BRWD1: variants seen among roughly 807,000 people sequenced by gnomAD.
BRWD1 encodes bromodomain and WD repeat domain containing 1, also known as bromodomain and WD repeat-containing protein 1.
BRWD1 carries 82 observed loss-of-function variants against 251.2 expected under a neutral mutation model. That is an observed-to-expected ratio of 0.33 (90% confidence interval 0.27 to 0.39). BRWD1 has a LOEUF of 0.39. Among genes scored for constraint, BRWD1 ranks in the 10% least tolerant of loss-of-function variants. BRWD1 has a pLI of 1.00. For synonymous variants in BRWD1, 918 were observed against 902.8 expected (o/e 1.02, Z -0.30); for missense variants, 2,233 against 2,711.6 (o/e 0.82, Z 3.92).
chr21:39,235,446 AACCC>A (rs2146563220), intron 23 of BRWD1: 1 of 155,008 alleles, frequency 6.5e-6, no homozygotes, highest in Admixed American at 6.5e-5. Flanking sequence ...TATCATAGTG[AACCC>A]TACAGTAAAC....
chr21:39,209,930 A>G lies in BRWD1; in HGVS notation c.4197+65T>C, dbSNP rs533872426. The G allele has an allele frequency of 1.4e-4, 207 of 1,493,236 alleles. 6 individuals are homozygous for G. In the South Asian group the frequency reaches 2.5e-3, roughly 18 times the overall value. 92.5% of individuals were successfully genotyped at this position (1,493,236 alleles called of 1,614,324 possible). On this transcript the variant is annotated intron_variant, in intron 36 of 40. Coordinates refer to ENST00000342449, the MANE Select transcript of BRWD1 (RefSeq NM_033656.4). ...GAAAATTACACTGGAAAAAATTACT[A>G]TTACATTGGAAAATTATCTACACAG...
At chr21:39,203,705 C>T (rs982887905) in intron 37 of BRWD1, among the ~76,000 whole-genome samples, 1 of 150,956 alleles carries the variant, frequency 6.6e-6, no homozygotes, top group Non-Finnish European at 1.5e-5. Flanking sequence ...CCGCGCCCAG[C>T]CGACCCTGCT....
At chr21:39,217,042 T>C (rs1399274652) in intron 31 of BRWD1, 20 of 17,232 alleles carry the variant, frequency 1.2e-3, no homozygotes, top group African/African-American at 4.0e-3. Flanking sequence ...TATAAATATA[T>C]ATATATATTT....
chr21:39,289,278 A>T (rs1050538745), intron 8 of BRWD1, among the ~76,000 whole-genome samples: 7 of 152,222 alleles, frequency 4.6e-5, no homozygotes, highest in Non-Finnish European at 7.3e-5. Flanking sequence ...ATGCATCTTC[A>T]TCTTAAAGTC....
Position 39,192,564 on chromosome 21 carries a change from AT to A in BRWD1, c.*3694del, listed in dbSNP as rs1337903981. 3.4e-5 allele frequency: 33 copies of A among 984,156 alleles called. No individual in the cohort carries two copies. Among genetic ancestry groups the A allele is most frequent in the Non-Finnish European group, 4.0e-5 (33 of 828,926 alleles). 61.0% of individuals were successfully genotyped at this position (984,156 alleles called of 1,614,324 possible). A position where few individuals can be genotyped will look rare whatever the true frequency, so the allele number is the denominator to read the frequency against. Reference sequence around the variant, plus strand: ...ATCACATTAAAATAATTGAACTATAATTTCCATACAACATAAGAAAACTACA... The same window carrying A: ...ATCACATTAAAATAATTGAACTATAATTCCATACAACATAAGAAAACTACA... On this transcript the variant is annotated 3_prime_UTR_variant, in exon 41 of 41. Coordinates refer to ENST00000342449, the MANE Select transcript of BRWD1 (RefSeq NM_033656.4).
At chr21:39,281,999 T>C (rs1568948526) in intron 8 of BRWD1, among the ~76,000 whole-genome samples, 1 of 151,534 alleles carries the variant, frequency 6.6e-6, no homozygotes, top group East Asian at 1.9e-4. Context: ...TATGTATATA[T>C]ACACATATGT....
Position 39,250,729 on chromosome 21 carries a change from A to C in BRWD1, c.2349+67T>G, listed in dbSNP as rs1004865038. 3 of 1,022,364 alleles carry C rather than the reference A, an allele frequency of 2.9e-6. No individual in the cohort carries two copies. The African/African-American group carries it at 5.0e-5, about 17-fold the overall frequency. 63.3% of individuals were successfully genotyped at this position (1,022,364 alleles called of 1,614,324 possible). A position where few individuals can be genotyped will look rare whatever the true frequency, so the allele number is the denominator to read the frequency against. On this transcript the variant is annotated intron_variant, in intron 20 of 40. Coordinates refer to ENST00000342449, the MANE Select transcript of BRWD1 (RefSeq NM_033656.4). Reference sequence around the variant, plus strand: ...GATGAAAGTTACTGATAGTTTTATAAATCAAAAAGAAAACTCTATATTTCA... The same window carrying C: ...GATGAAAGTTACTGATAGTTTTATACATCAAAAAGAAAACTCTATATTTCA...
intron 19 of BRWD1, among the ~76,000 whole-genome samples, chr21:39,253,058 G>A (rs999289292): frequency 6.6e-6 from 1 of 152,168 alleles, no homozygotes; most frequent in Non-Finnish European, 1.5e-5. Flanking sequence ...GGCAGGCCGA[G>A]GCAGGTGGAT....
At chr21:39,226,020 C>T (rs2033368725) in intron 27 of BRWD1, among the ~76,000 whole-genome samples, 1 of 151,634 alleles carries the variant, frequency 6.6e-6, no homozygotes, top group African/African-American at 2.4e-5. Flanking sequence ...TTTTGAGAGG[C>T]CAAACATAAA....
intron 15 of BRWD1, among the ~76,000 whole-genome samples, chr21:39,269,112 T>C (rs993321881): frequency 6.6e-6 from 1 of 152,178 alleles, no homozygotes. Flanking sequence ...GATGTTACTA[T>C]AGACCTGACT....
At chr21:39,264,384 A>G (rs1311701569) in intron 17 of BRWD1, 76 bp downstream of exon 17, 16 of 886,768 alleles carry the variant, frequency 1.8e-5, no homozygotes, top group African/African-American at 3.6e-5. Context: ...TCTAAAGGTA[A>G]GGAAATTATT....
At chr21:39,291,118 A>G (rs2035795301) in intron 8 of BRWD1, among the ~76,000 whole-genome samples, 1 of 152,172 alleles carries the variant, frequency 6.6e-6, no homozygotes, top group African/African-American at 2.4e-5. Context: ...ACAAAAAACA[A>G]AAACAAAAAC....
At chr21:39,211,003 A>C in intron 34 of BRWD1, 74 bp from the exon 35 acceptor site, 1 of 1,406,428 alleles carries the variant, frequency 7.1e-7, no homozygotes, top group Non-Finnish European at 9.6e-7. Flanking sequence ...TAACTGATCT[A>C]CTGTCTTCTA....
chr21:39,310,619 T>A (rs113345457), intron 4 of BRWD1, among the ~76,000 whole-genome samples: 2,302 of 151,540 alleles, frequency 0.015, 57 homozygotes, highest in African/African-American at 0.053. Flanking sequence ...AAAAAATTAT[T>A]ATTATTCAAA....
Position 39,277,347 on chromosome 21 carries a change from A to G in BRWD1, c.1008T>C (p.Gly336=). 6.3e-7 allele frequency: 1 copy of G among 1,575,592 alleles called. No homozygotes were observed. Among genetic ancestry groups the G allele is most frequent in the South Asian group, 1.2e-5 (1 of 85,024 alleles). ...QMLCSSFSVG[G]MFLATGSTDH... ...CAGTACTACCTGTGGCTAAAAACAT[A>G]CCACCTGAAATAAAAATGGTAAGGT... The change falls in exon 11 of 41, where the codon GGT becomes GGC. Residue 336 remains glycine (G), a synonymous_variant. Coordinates refer to ENST00000342449, the MANE Select transcript of BRWD1 (RefSeq NM_033656.4).
At position 39,199,092 on chromosome 21, in the gene BRWD1, G is replaced by A; in HGVS notation, c.5324C>T (p.Pro1775Leu). ...CTTAAGTTTCTGCACAGACGTTGAT[G>A]GGCCAGCAGTTCTGTTACATGCATG... ...SDHACNRTAGPSTSVQKLKAE... is the reference protein window; with the variant it reads ...SDHACNRTAGLSTSVQKLKAE... The change falls in exon 40 of 41, where the codon CCA (proline) becomes CTA (leucine). Residue 1775 changes from proline to leucine, a missense_variant. By Grantham distance (98) the Pro-to-Leu change is moderately conservative. This residue lies in a region of BRWD1 where 928 missense variants were observed against 970.0 expected (regional missense o/e 0.96). Coordinates refer to ENST00000342449, the MANE Select transcript of BRWD1 (RefSeq NM_033656.4). 6.2e-7 allele frequency: 1 copy of A among 1,614,002 alleles called. No individual in the cohort carries two copies. The highest frequency in any genetic ancestry group is 1.1e-5 in the South Asian group (1 of 91,054).
At chr21:39,249,955 T>C (rs1021714207) in intron 20 of BRWD1, among the ~76,000 whole-genome samples, 11 of 146,166 alleles carry the variant, frequency 7.5e-5, no homozygotes, top group Admixed American at 1.4e-4. Context: ...TGTGTGTGTG[T>C]GTATACACAC....
intron 29 of BRWD1, among the ~76,000 whole-genome samples, chr21:39,223,434 A>C (rs968875703): frequency 6.6e-6 from 1 of 152,202 alleles, no homozygotes; most frequent in African/African-American, 2.4e-5. Context: ...AAAAACACAT[A>C]AAGAAAGCTT....
chr21:39,289,851 C>T (rs1394322081), intron 8 of BRWD1, among the ~76,000 whole-genome samples: 1 of 151,598 alleles, frequency 6.6e-6, no homozygotes, highest in Non-Finnish European at 1.5e-5. Context: ...GGTGAAACCT[C>T]GTCTCTACTA....
Sources: gnomAD v4.1 joint callset for allele counts (sites outside exome capture counted in the v4.1 genomes callset) on GRCh38, gnomAD v4.1.1 for gene constraint, gnomAD v4.1.1 regional missense constraint, MANE v1.5 for transcripts, NCBI Gene and HGNC (gene_info 2026-07-23, HGNC 2026-07-21) for gene names.